The following RIPOR3 variants were observed in gnomAD, a reference collection of about 807,000 sequenced individuals.
RIPOR3 encodes family with sequence similarity 65 member C.
Under a neutral mutation model 114.3 loss-of-function variants are expected in RIPOR3, and 95 were observed. That is an observed-to-expected ratio of 0.83 (90% CI 0.70 to 0.99). The LOEUF (loss-of-function observed/expected upper bound fraction) is 0.99. Ranked by LOEUF, RIPOR3 falls within the 50% of genes least tolerant of loss-of-function variation. The pLI is 0.00. For synonymous variants in RIPOR3, 575 were observed against 543.8 expected (o/e 1.06, Z -0.80); for missense variants, 1,252 against 1,266.9 (o/e 0.99, Z 0.18).
Position 50,630,997 on chromosome 20 carries a change from A to C in RIPOR3, c.4-141T>G, listed in dbSNP as rs1051493365. On this transcript the variant is annotated intron_variant, in intron 1 of 21. Transcript: ENST00000327979. ...GGGGCTGGTACTGTGCCCAGCTCAC[A>C]GGTCAGCAAGCTGAGGTCCCATGAG... is the stretch of plus-strand genomic sequence containing the variant. 1.2e-5 allele frequency: 8 copies of C among 670,334 alleles called. No individual in the cohort carries two copies. The African/African-American group carries it at 1.3e-4, about 11-fold the overall frequency. The allele number at this position is 670,334 out of a possible 1,614,324, so 41.5% of individuals were successfully genotyped here.
Position 50,596,172 on chromosome 20 carries a change from C to A in RIPOR3, c.1882G>T (p.Val628Leu). Residue 628 changes from valine (V) to leucine (L), a missense_variant, in exon 15 of 22, where the codon GTA becomes TTA. Coordinates refer to ENST00000327979, the MANE Select transcript of RIPOR3 (RefSeq NM_001290268.2). ...AGAGCTTTGCAGACTTGGAGGTGTA[C>A]CATCAGCAGCACGTCCAGCTCTGGG... ...GAPELDVLLM[V>L]HLQVCKALLQ... is the part of the protein sequence containing the mutation. The A allele has an allele frequency of 6.2e-7, 1 of 1,614,210 alleles. No individual in the cohort carries two copies. Among genetic ancestry groups the A allele is most frequent in the East Asian group, 2.2e-5 (1 of 44,892 alleles).
At position 50,595,444 on chromosome 20, in the gene RIPOR3, G is replaced by C; in HGVS notation, c.1975C>G (p.Gln659Glu). The C allele has an allele frequency of 1.2e-6, 2 of 1,614,160 alleles. No individual in the cohort carries two copies. The change falls in exon 16 of 22, where the codon CAG becomes GAG. Residue 659 changes from glutamine to glutamate, a missense_variant. Gln to Glu is a conservative substitution (Grantham distance 29). Coordinates refer to ENST00000327979, the MANE Select transcript of RIPOR3 (RefSeq NM_001290268.2). ...AGTGTCTCCAGAACGTGCTTTTGCT[G>C]TGCCACTTCTTCCAGGAGGCATTCC... is the stretch of plus-strand genomic sequence containing the variant. Reference protein sequence around the residue: ...VQECLLEEVAQQKHVLETLSV... With the variant: ...VQECLLEEVAEQKHVLETLSV...
chr20:50,616,253 C>CA (rs1310551751), intron 3 of RIPOR3, among the ~76,000 whole-genome samples, 173 bp from the exon 4 acceptor site: 1 of 152,188 alleles, frequency 6.6e-6, no homozygotes, highest in African/African-American at 2.4e-5. Flanking sequence ...CAGCACCACA[C>CA]AAAATTGGTT....
chr20:50,640,118 C>T (rs1403412141), intron 1 of RIPOR3, among the ~76,000 whole-genome samples: 1 of 152,184 alleles, frequency 6.6e-6, no homozygotes, highest in Non-Finnish European at 1.5e-5. Flanking sequence ...GCACCTTCCC[C>T]TCACACGAAC....
intron 1 of RIPOR3, chr20:50,636,900 G>T (rs1394221765): frequency 1.0e-6 from 1 of 985,300 alleles, no homozygotes; most frequent in Non-Finnish European, 1.2e-6. Flanking sequence ...ATGGGCTTTT[G>T]GGGCTGGGTG....
intron 2 of RIPOR3, among the ~76,000 whole-genome samples, chr20:50,627,728 C>T (rs1366664473): frequency 1.3e-5 from 2 of 152,014 alleles, no homozygotes; most frequent in Non-Finnish European, 2.9e-5. Flanking sequence ...TCATTTGAAC[C>T]AAGGAGGTCA....
intron 1 of RIPOR3, among the ~76,000 whole-genome samples, chr20:50,633,584 C>T (rs570937778): frequency 3.3e-5 from 5 of 152,260 alleles, no homozygotes; most frequent in African/African-American, 7.2e-5. Context: ...AGACGTACTC[C>T]GGAGCCAGCC....
Position 50,587,182 on chromosome 20 carries a change from G to T in RIPOR3, c.*50C>A, listed in dbSNP as rs1568806369. On this transcript the variant is annotated 3_prime_UTR_variant, in exon 22 of 22. Transcript: ENST00000327979. Reference sequence around the variant, plus strand: ...AGAGTGCAGGCTATGTCCAGGCTGGGCAGCAGCAAAAAAAACGATGTGAGA... The same window carrying T: ...AGAGTGCAGGCTATGTCCAGGCTGGTCAGCAGCAAAAAAAACGATGTGAGA... 9.1e-6 allele frequency: 13 copies of T among 1,436,114 alleles called. No homozygotes were observed. The highest frequency in any genetic ancestry group is 2.3e-5 in the East Asian group (1 of 43,916). 89.0% of individuals were successfully genotyped at this position (1,436,114 alleles called of 1,614,324 possible).
At chr20:50,589,654 A>G (rs373403544) in intron 20 of RIPOR3, 32 bp downstream of exon 20, 36 of 1,608,304 alleles carry the variant, frequency 2.2e-5, no homozygotes, top group South Asian at 2.2e-4. Flanking sequence ...AGGCTTTTCT[A>G]TCAGCCACTA....
intron 1 of RIPOR3, among the ~76,000 whole-genome samples, chr20:50,653,609 G>A (rs1187720175): frequency 8.7e-6 from 1 of 115,178 alleles, no homozygotes; most frequent in Non-Finnish European, 1.8e-5. Context: ...TTTTTTTTTC[G>A]AGACAGGGTC....
In RIPOR3 at chr20:50,619,952, C is replaced by T. The variant is rs375782170; in HGVS notation, c.269+34G>A. On this transcript the variant is annotated intron_variant, in intron 3 of 21. Transcript: ENST00000327979. Reference sequence around the variant, plus strand: ...AGAGAGGAGGCGAGGTAGAGGAATGCACTTCTTAAAGGCAGCACACAGCCC... The same window carrying T: ...AGAGAGGAGGCGAGGTAGAGGAATGTACTTCTTAAAGGCAGCACACAGCCC... 6.9e-6 allele frequency: 11 copies of T among 1,594,098 alleles called. No individual in the cohort carries two copies. In the African/African-American group the frequency reaches 1.2e-4, roughly 17 times the overall value.
intron 1 of RIPOR3, among the ~76,000 whole-genome samples, chr20:50,679,957 AAAAC>A (rs1568966099): frequency 6.6e-6 from 1 of 152,160 alleles, no homozygotes; most frequent in African/African-American, 2.4e-5. Flanking sequence ...ATCCTGTCTC[AAAAC>A]AAACAGACAA....
rs56326710 is a variant in RIPOR3, at chr20:50,594,693, G to A, written c.2072C>T (p.Thr691Met). 2.2e-4 allele frequency: 349 copies of A among 1,612,096 alleles called. No individual in the cohort carries two copies. The highest frequency in any genetic ancestry group is 8.0e-4 in the African/African-American group (60 of 74,982). Residue 691 changes from threonine (T) to methionine (M), a missense_variant, in exon 17 of 22, where the codon ACG (threonine) becomes ATG (methionine). Coordinates refer to ENST00000327979, the MANE Select transcript of RIPOR3 (RefSeq NM_001290268.2). Reference sequence around the variant, plus strand: ...TCTCCACAGCTTCAGGCACCCCTTCGTCCGCGAGGCCTGTGGGATGACTGA... The same window carrying A: ...TCTCCACAGCTTCAGGCACCCCTTCATCCGCGAGGCCTGTGGGATGACTGA... ...IEEIIPQASR[T>M]KGCLKLWRGC...
In RIPOR3 at chr20:50,592,521, A is replaced by G. The variant is rs1333536917; in HGVS notation, c.2400T>C (p.Cys800=). ...TCCGGACCACCTTGGCCTGTCCCGC[A>G]CAGTGAAGCTCCTCGATGAGTGTCA... The part of the protein sequence containing the change: ...KEVTLIEELH[C]AGQAKVVRKL... Residue 800 remains cysteine, a synonymous_variant, in exon 19 of 22, where the codon TGT becomes TGC. Coordinates refer to ENST00000327979, the MANE Select transcript of RIPOR3 (RefSeq NM_001290268.2). 6 of 1,584,474 alleles carry G rather than the reference A, an allele frequency of 3.8e-6. No individual in the cohort carries two copies. The Admixed American group carries it at 7.0e-5, about 19-fold the overall frequency.
At chr20:50,665,420 C>A (rs1382455363) in intron 1 of RIPOR3, among the ~76,000 whole-genome samples, 1 of 45,806 alleles carries the variant, frequency 2.2e-5, no homozygotes, top group South Asian at 1.4e-3. Context: ...GCCCCCTCTT[C>A]CTTTTTTTTT....
At chr20:50,612,335 A>C (rs1374541595) in intron 4 of RIPOR3, among the ~76,000 whole-genome samples, 1 of 152,066 alleles carries the variant, frequency 6.6e-6, no homozygotes, top group Non-Finnish European at 1.5e-5. Flanking sequence ...GCCACAGACA[A>C]TATGTACATG....
chr20:50,655,669 C>CTGTGTGTGTGTG (rs11469999), intron 1 of RIPOR3, among the ~76,000 whole-genome samples: 1,841 of 145,264 alleles, frequency 0.013, 44 homozygotes, highest in African/African-American at 0.044. Context: ...TTAGCGTGGG[C>CTGTGTGTGTGTG]TGTGTGTGTG....
intron 1 of RIPOR3, among the ~76,000 whole-genome samples, chr20:50,664,614 G>T (rs977513756): frequency 2.0e-5 from 3 of 152,154 alleles, no homozygotes. Context: ...ATCACTCAAC[G>T]CTCAGAGCTG....
At position 50,609,692 on chromosome 20, in the gene RIPOR3, G is replaced by A; in HGVS notation, c.457C>T (p.Gln153Ter). The A allele has an allele frequency of 7.2e-7, 1 of 1,391,428 alleles. No homozygotes were observed. The highest frequency in any genetic ancestry group is 9.3e-7 in the Non-Finnish European group (1 of 1,072,120). The allele number at this position is 1,391,428 out of a possible 1,614,324, so 86.2% of individuals were successfully genotyped here. ...VDELYEDYCI[Q>*]CRLRDGASSM... ...GAGGCGCCGTCGCGCAGGCGGCACT[G>A]GATGCAGTAGTCCTCGTACAGCTCA... Residue 153 changes from glutamine to a stop codon, truncating the protein, a stop_gained, in exon 7 of 22, where the codon CAG (glutamine) becomes TAG (stop). Coordinates refer to ENST00000327979, the MANE Select transcript of RIPOR3 (RefSeq NM_001290268.2). LOFTEE classifies it high-confidence loss of function.
Sources: allele counts gnomAD v4.1 joint callset (sites outside exome capture counted in the v4.1 genomes callset), GRCh38; gene constraint gnomAD v4.1.1; transcripts MANE v1.5; gene names NCBI Gene and HGNC (gene_info 2026-07-23, HGNC 2026-07-21).